PAX2: variants seen among roughly 807,000 people sequenced by gnomAD.
PAX2 encodes paired box protein Pax-2.
A neutral mutation model predicts 41.7 loss-of-function variants in PAX2; 9 were observed. That is an observed-to-expected ratio of 0.22 (90% confidence interval 0.13 to 0.38). PAX2 has a LOEUF of 0.38. PAX2 is among the 10% of genes least tolerant of loss of function. The pLI, the probability that PAX2 is intolerant of heterozygous loss-of-function variation, is 1.00. For missense variants in PAX2, 418 were observed against 531.6 expected, an observed-to-expected ratio of 0.79 and a Z score of 2.10; for synonymous variants, 221 against 212.7, an observed-to-expected ratio of 1.04 and a Z score of -0.34.
Position 100,827,480 on chromosome 10 carries a change from T to C in PAX2, c.1109-63T>C, listed in dbSNP as rs1301228954. 1.3e-6 allele frequency: 2 copies of C among 1,535,336 alleles called. No homozygotes were observed. The highest frequency in any genetic ancestry group is 1.8e-6 in the Non-Finnish European group (2 of 1,108,720). On this transcript the variant is annotated intron_variant, in intron 9 of 9. Coordinates refer to ENST00000355243, the MANE Select transcript of PAX2 (RefSeq NM_000278.5). The surrounding 1 kb of genome is among the most constrained non-coding windows in gnomAD (Gnocchi z 8.5). ...GGGAGGTCTTTTCTGTGCTTTTCTTTCCTTTTTTGTTCTCCTGTTTGTCCT... is the reference window on the plus strand; with the variant it reads ...GGGAGGTCTTTTCTGTGCTTTTCTTCCCTTTTTTGTTCTCCTGTTTGTCCT...
At chr10:100,806,943 G>A (rs1187789315) in intron 6 of PAX2, among the ~76,000 whole-genome samples, 4 of 152,098 alleles carry the variant, frequency 2.6e-5, no homozygotes, top group Admixed American at 2.0e-4. Context: ...CTTTTCTGTG[G>A]TTCTTGCATG....
chr10:100,807,676 A>C (rs1382083436), intron 6 of PAX2, among the ~76,000 whole-genome samples: 1 of 152,058 alleles, frequency 6.6e-6, no homozygotes, highest in African/African-American at 2.4e-5. Context: ...CGCTGGGTGG[A>C]GCCCCCAGCA....
chr10:100,763,415 G>C (rs1264383692), intron 3 of PAX2, among the ~76,000 whole-genome samples: 1 of 152,150 alleles, frequency 6.6e-6, no homozygotes, highest in Non-Finnish European at 1.5e-5. Context: ...AATATTCCAG[G>C]AAACAAAGTG....
At chr10:100,822,245 A>AT (rs1848398466) in intron 7 of PAX2, among the ~76,000 whole-genome samples, 2 of 152,222 alleles carry the variant, frequency 1.3e-5, no homozygotes, top group South Asian at 4.1e-4. Context: ...ATTCTATTGC[A>AT]TAATAAAGTC....
chr10:100,767,080 C>T (rs1200708738), intron 3 of PAX2, among the ~76,000 whole-genome samples: 1 of 152,190 alleles, frequency 6.6e-6, no homozygotes, highest in Non-Finnish European at 1.5e-5. Flanking sequence ...TGCGTCAACA[C>T]AATGCAATAA....
At chr10:100,803,673 G>T (rs978878686) in intron 5 of PAX2, among the ~76,000 whole-genome samples, 1 of 152,008 alleles carries the variant, frequency 6.6e-6, no homozygotes, top group African/African-American at 2.4e-5. Flanking sequence ...TCTCTGGGGG[G>T]TGGGGGTTCT....
chr10:100,777,447 T>C (rs1846437525), intron 3 of PAX2, among the ~76,000 whole-genome samples: 1 of 143,868 alleles, frequency 7.0e-6, no homozygotes, highest in South Asian at 2.3e-4. Context: ...CAGACTGGAG[T>C]ACAGTGGCTT....
chr10:100,736,642 C>T (rs1844783776), intron 1 of PAX2, among the ~76,000 whole-genome samples: 1 of 151,994 alleles, frequency 6.6e-6, no homozygotes, highest in African/African-American at 2.4e-5. Context: ...AACCCAGGTC[C>T]CACCCCCAGC....
At chr10:100,825,893 G>T (rs530442875) in intron 8 of PAX2, among the ~76,000 whole-genome samples, 7 of 150,646 alleles carry the variant, frequency 4.6e-5, no homozygotes, top group Non-Finnish European at 1.0e-4. Context: ...ATTTTAGGGA[G>T]AAACTCCCAG....
intron 3 of PAX2, among the ~76,000 whole-genome samples, chr10:100,774,304 G>A (rs1032020220): frequency 1.3e-5 from 2 of 152,114 alleles, no homozygotes; most frequent in African/African-American, 4.8e-5. Flanking sequence ...GTAAGGGAGT[G>A]GCCTCCCCAC....
chr10:100,750,701 G>A lies in PAX2; in HGVS notation c.220G>A (p.Glu74Lys), dbSNP rs754146050. ...CCGGCTTTCCCGGCGCAGGTACTAC[G>A]AGACCGGCAGCATCAAGCCGGGTGT... ...CVSKILGRYY[E>K]TGSIKPGVIG... Residue 74 changes from glutamate (E) to lysine (K), a missense_variant, in exon 3 of 10, where the codon GAG becomes AAG. This residue lies in a region of PAX2 where 108 missense variants were observed against 206.3 expected (regional missense o/e 0.52). Coordinates refer to ENST00000355243, the MANE Select transcript of PAX2 (RefSeq NM_000278.5). The surrounding 1 kb of genome is among the most constrained non-coding windows in gnomAD (Gnocchi z 4.1). 10 of 1,613,942 alleles carry A rather than the reference G, an allele frequency of 6.2e-6. No homozygotes were observed. Among genetic ancestry groups the A allele is most frequent in the African/African-American group, 5.3e-5 (4 of 74,912 alleles).
rs546929714 is a variant in PAX2 at position 100,785,832 on chromosome 10, G to T, written c.616+4467G>T. On this transcript the variant is annotated intron_variant, in intron 5 of 9. Transcript: ENST00000355243. ...ATGGGCAGTGGGGCTCAGTGGGAAT[G>T]AATGTGGCCTCTGGAGTGAGCACAG... Among the ~76,000 whole-genome samples the T allele has an allele frequency of 8.5e-5, 13 of 152,326 alleles. No homozygotes were observed. In the South Asian group the frequency reaches 2.7e-3, roughly 32 times the overall value.
intron 5 of PAX2, among the ~76,000 whole-genome samples, chr10:100,792,479 C>T (rs936572755): frequency 1.2e-4 from 18 of 152,218 alleles, no homozygotes; most frequent in African/African-American, 9.6e-5. Context: ...AGTCTATCTC[C>T]CTTCTCTTTC....
chr10:100,780,508 G>T (rs1023722484), intron 4 of PAX2, among the ~76,000 whole-genome samples: 1 of 151,846 alleles, frequency 6.6e-6, no homozygotes, highest in African/African-American at 2.4e-5. Flanking sequence ...AGGAGCTGTT[G>T]TTTACTAGGC....
rs74152643 is a variant in PAX2, at chr10:100,747,776, G to T, written c.43+1473G>T. 420 of 985,038 alleles carry T rather than the reference G, an allele frequency of 4.3e-4. 1 individual carries two copies. In the African/African-American group the frequency reaches 6.9e-3, roughly 16 times the overall value. 61.0% of individuals were successfully genotyped at this position (985,038 alleles called of 1,614,324 possible). On this transcript the variant is annotated intron_variant, in intron 1 of 9. Transcript: ENST00000355243. ...CAGGCCTCCGCGGGTCTCGGCGAGC[G>T]GGCCGGAAAGCCTCGGTCCTTTTCG...
At chr10:100,803,893 T>G (rs559037904) in intron 5 of PAX2, among the ~76,000 whole-genome samples, 371 of 151,750 alleles carry the variant, frequency 2.4e-3, no homozygotes, top group South Asian at 6.3e-3. Flanking sequence ...TACAAAAAAA[T>G]AAATAAATAA....
chr10:100,793,361 C>G (rs540175311), intron 5 of PAX2, among the ~76,000 whole-genome samples: 5 of 152,374 alleles, frequency 3.3e-5, no homozygotes, highest in African/African-American at 9.6e-5. Context: ...CCTTCCTCCC[C>G]GGGTCTGTCC....
chr10:100,800,678 T>A (rs1847530301), intron 5 of PAX2, among the ~76,000 whole-genome samples: 1 of 152,008 alleles, frequency 6.6e-6, no homozygotes, highest in African/African-American at 2.4e-5. Flanking sequence ...TCAGGGGGTG[T>A]CTCCCTCCCC....
chr10:100,766,725 G>A (rs2133869212), intron 3 of PAX2, among the ~76,000 whole-genome samples: 1 of 152,226 alleles, frequency 6.6e-6, no homozygotes, highest in East Asian at 1.9e-4. Flanking sequence ...CAGTGCAAAT[G>A]ACCAGGCCAG....
Sources: allele counts gnomAD v4.1 joint callset (sites outside exome capture counted in the v4.1 genomes callset), GRCh38; gene constraint gnomAD v4.1.1; regional missense constraint gnomAD v4.1.1; non-coding constraint Gnocchi (gnomAD v3.1); transcripts MANE v1.5; gene names NCBI Gene and HGNC (gene_info 2026-07-23, HGNC 2026-07-21).